NCF2: variants seen among roughly 807,000 people sequenced by gnomAD.
The protein encoded by NCF2 is neutrophil cytosol factor 2.
NCF2 carries 45 observed loss-of-function variants against 70.9 expected under a neutral mutation model. The observed-to-expected ratio is 0.63, with a 90% confidence interval of 0.50 to 0.81. The LOEUF is 0.81. Among genes scored for constraint, NCF2 ranks in the 40% least tolerant of loss-of-function variants. NCF2 has a pLI of 0.00. For synonymous variants in NCF2, 203 were observed against 233.6 expected (o/e 0.87, Z 1.19); for missense variants, 522 against 631.6 (o/e 0.83, Z 1.86).
At chr1:183,576,510 A>C (rs1672805889) in intron 3 of NCF2, among the ~76,000 whole-genome samples, 1 of 152,200 alleles carries the variant, frequency 6.6e-6, no homozygotes, top group East Asian at 1.9e-4. Flanking sequence ...ATGCCGTCAA[A>C]GTTCCCACGA....
At chr1:183,578,174 C>T (rs1015927997) in intron 2 of NCF2, among the ~76,000 whole-genome samples, 3 of 152,134 alleles carry the variant, frequency 2.0e-5, no homozygotes, top group African/African-American at 7.2e-5. Context: ...GGAGGGGCCC[C>T]TTCTTATAGC....
chr1:183,563,910 G>T, intron 11 of NCF2, 95 bp downstream of exon 11: 1 of 1,414,434 alleles, frequency 7.1e-7, no homozygotes, highest in Non-Finnish European at 1.0e-6. Context: ...CTCCCTTTGG[G>T]GCTCTTCCTA....
At chr1:183,564,159 C>T in intron 10 of NCF2, 129 bp from the exon 11 acceptor site, 1 of 919,604 alleles carries the variant, frequency 1.1e-6, no homozygotes, top group South Asian at 1.3e-5. Context: ...ATTTGTGGGG[C>T]AATTATTAAC....
At chr1:183,557,498 A>C (rs2102870321) in intron 14 of NCF2, among the ~76,000 whole-genome samples, 1 of 152,366 alleles carries the variant, frequency 6.6e-6, no homozygotes, top group East Asian at 1.9e-4. Flanking sequence ...GGTGATTCAC[A>C]TGCACATTAA....
intron 11 of NCF2, 92 bp downstream of exon 11, chr1:183,563,913 T>C: frequency 7.0e-7 from 1 of 1,432,964 alleles, no homozygotes; most frequent in Non-Finnish European, 9.9e-7. Context: ...CCTTTGGGGC[T>C]CTTCCTATAA....
At chr1:183,563,143 G>A in intron 13 of NCF2, 52 bp downstream of exon 13, 1 of 1,517,838 alleles carries the variant, frequency 6.6e-7, no homozygotes. Flanking sequence ...TCAAATTGTT[G>A]AGGAAGTGGC....
chr1:183,599,449 T>TCTTTC, the NCF2 span, among the ~76,000 whole-genome samples: 15,760 of 127,876 alleles, frequency 0.12, 1,215 homozygotes, highest in Middle Eastern at 0.22. Context: ...TTTCTTTCTT[T>TCTTTC]CTTTCTTTCT....
chr1:183,581,574 C>A (rs970996599), intron 2 of NCF2, among the ~76,000 whole-genome samples: 3 of 151,906 alleles, frequency 2.0e-5, no homozygotes, highest in African/African-American at 4.8e-5. Flanking sequence ...AGCAATCCTC[C>A]CACCTCAGCC....
At chr1:183,599,442 CTTTCTTTCTT>C in the NCF2 span, among the ~76,000 whole-genome samples, 3 of 96,528 alleles carry the variant, frequency 3.1e-5, no homozygotes, top group African/African-American at 1.1e-4. Context: ...TTCTTTCTTT[CTTTCTTTCTT>C]TCTTTCTTTC....
chr1:183,569,860 G>A (rs1279162504), intron 6 of NCF2, among the ~76,000 whole-genome samples: 1 of 152,204 alleles, frequency 6.6e-6, no homozygotes, highest in Non-Finnish European at 1.5e-5. Context: ...AAAATGGTGG[G>A]ATTATAGGCG....
At chr1:183,557,391 G>A (rs1671838385) in intron 14 of NCF2, among the ~76,000 whole-genome samples, 1 of 152,194 alleles carries the variant, frequency 6.6e-6, no homozygotes, top group Non-Finnish European at 1.5e-5. Context: ...TCACTGTCTT[G>A]ATTCTTCTTA....
intron 2 of NCF2, among the ~76,000 whole-genome samples, chr1:183,579,616 G>A (rs1326758016): frequency 3.3e-5 from 5 of 151,742 alleles, no homozygotes; most frequent in African/African-American, 4.8e-5. Flanking sequence ...GTGGGCGCCT[G>A]TAGTCCCAGC....
At chr1:183,574,435 A>C in intron 4 of NCF2, 52 bp downstream of exon 4, 1 of 1,613,316 alleles carries the variant, frequency 6.2e-7, no homozygotes, top group Non-Finnish European at 8.5e-7. Context: ...CCTCTGAGAC[A>C]AATGAGAATC....
chr1:183,574,403 T>A (rs1672703139), intron 4 of NCF2, 84 bp downstream of exon 4: 2 of 1,593,266 alleles, frequency 1.3e-6, no homozygotes, highest in East Asian at 4.5e-5. Context: ...AGCACCACTT[T>A]TATGGCTTCT....
In NCF2 at chr1:183,565,743, G is replaced by T. The variant is rs751928437; in HGVS notation, c.961C>A (p.Pro321Thr). 6.2e-7 allele frequency: 1 copy of T among 1,613,060 alleles called. No homozygotes were observed. The change falls in exon 10 of 15, where the codon CCT becomes ACT. Residue 321 changes from proline to threonine, a missense_variant. By Grantham distance (38) the Pro-to-Thr change is conservative. Transcript: ENST00000367535. The part of the protein sequence containing the change: ...SSPQSDIPAP[P>T]SSKAPGRPQL... ...GGTCTTCCAGGGGCTTTGGAACTAG[G>T]AGGAGCTGGGATGTCGGACTGCGGA...
At position 183,555,837 on chromosome 1, in the gene NCF2, G is replaced by A; in HGVS notation, c.*281C>T. On this transcript the variant is annotated 3_prime_UTR_variant, in exon 15 of 15. Transcript: ENST00000367535. ...GCACTCAGAGCAAGAAACAGGATCA[G>A]TACCTGGAAGACTCTCTCGTGCCCT... The A allele has an allele frequency of 2.0e-6, 1 of 505,096 alleles. No homozygotes were observed. The highest frequency in any genetic ancestry group is 3.6e-6 in the Non-Finnish European group (1 of 277,606). The allele number at this position is 505,096 out of a possible 1,614,324, so 31.3% of individuals were successfully genotyped here. A position where few individuals can be genotyped will look rare whatever the true frequency, so the allele number is the denominator to read the frequency against.
chr1:183,575,482 G>A (rs751502331), intron 3 of NCF2, among the ~76,000 whole-genome samples: 1 of 152,118 alleles, frequency 6.6e-6, no homozygotes, highest in East Asian at 1.9e-4. Context: ...ACTTTTCCAG[G>A]TCTTGAGTTG....
intron 14 of NCF2, 126 bp from the exon 15 acceptor site, chr1:183,556,356 A>AAGAC (rs546292292): frequency 8.9e-4 from 729 of 822,256 alleles, no homozygotes; most frequent in Non-Finnish European, 1.2e-3. Flanking sequence ...CAACAGGGAA[A>AAGAC]AGACAGTATT....
chr1:183,597,127 C>T, the NCF2 span, among the ~76,000 whole-genome samples: 3 of 152,184 alleles, frequency 2.0e-5, no homozygotes, highest in Non-Finnish European at 4.4e-5. Context: ...TCTAGTCCTG[C>T]ATATCTTAGG....
Sources: allele counts gnomAD v4.1 joint callset (sites outside exome capture counted in the v4.1 genomes callset), GRCh38; gene constraint gnomAD v4.1.1; transcripts MANE v1.5; gene names NCBI Gene and HGNC (gene_info 2026-07-23, HGNC 2026-07-21).